COL11A1: variants seen among roughly 807,000 people sequenced by gnomAD.
COL11A1 encodes collagen type XI alpha 1 chain.
COL11A1 carries 74 observed loss-of-function variants against 265.2 expected under a neutral mutation model. The ratio of observed to expected loss-of-function variants is 0.28; its 90% CI spans 0.23 to 0.34. The LOEUF (loss-of-function observed/expected upper bound fraction) is 0.34. Among genes scored for constraint, COL11A1 ranks in the 10% least tolerant of loss-of-function variants. The pLI, the probability that COL11A1 is intolerant of heterozygous loss-of-function variation, is 1.00. For synonymous variants in COL11A1, 816 were observed against 727.6 expected (o/e 1.12, Z -1.96); for missense variants, 2,165 against 2,263.6 (o/e 0.96, Z 0.88).
intron 7 of COL11A1, 144 bp from the exon 8 acceptor site, chr1:103,023,140 G>GTGTTT: frequency 1.3e-6 from 1 of 770,596 alleles, no homozygotes; most frequent in Non-Finnish European, 2.2e-6. Flanking sequence ...TGGAAAGTAG[G>GTGTTT]CTTTCAGTAT....
intron 14 of COL11A1, 66 bp downstream of exon 14, chr1:103,012,347 G>A: frequency 8.7e-7 from 1 of 1,151,898 alleles, no homozygotes; most frequent in Admixed American, 1.7e-5. Flanking sequence ...ATCCCTGGAA[G>A]AAGTTGCACA....
At chr1:102,988,055 T>C (rs749512778) in intron 29 of COL11A1, among the ~76,000 whole-genome samples, 2 of 152,124 alleles carry the variant, frequency 1.3e-5, no homozygotes, top group African/African-American at 2.4e-5. Context: ...TTACCAGCCA[T>C]TGTTCCGAAA....
intron 46 of COL11A1, among the ~76,000 whole-genome samples, chr1:102,930,575 C>A (rs147913816): frequency 0.13 from 20,091 of 152,022 alleles, 2,065 homozygotes; most frequent in African/African-American, 0.28. Flanking sequence ...TGTCTCTGCC[C>A]GGCTTTAGTA....
chr1:102,921,427 A>C (rs1308985864), intron 48 of COL11A1, 91 bp downstream of exon 48: 3 of 1,045,132 alleles, frequency 2.9e-6, no homozygotes, highest in Non-Finnish European at 4.4e-6. Flanking sequence ...ACAATAGTTT[A>C]ATATTGTTAT....
chr1:102,899,381 T>G (rs1652885674), intron 54 of COL11A1, among the ~76,000 whole-genome samples: 1 of 152,096 alleles, frequency 6.6e-6, no homozygotes, highest in Admixed American at 6.6e-5. Context: ...CTCATATGTG[T>G]TTTAAGAATG....
chr1:103,030,495 T>C (rs922297334), intron 5 of COL11A1, among the ~76,000 whole-genome samples: 1 of 151,964 alleles, frequency 6.6e-6, no homozygotes, highest in Non-Finnish European at 1.5e-5. Context: ...TTTAGAACAG[T>C]TTTGATATTT....
intron 5 of COL11A1, among the ~76,000 whole-genome samples, chr1:103,029,391 T>C (rs1237502613): frequency 6.6e-6 from 1 of 151,642 alleles, no homozygotes; most frequent in Non-Finnish European, 1.5e-5. Flanking sequence ...ATTATTTATA[T>C]GCGTTATCAT....
At chr1:103,008,651 C>A (rs1665853038) in intron 14 of COL11A1, 135 bp from the exon 15 acceptor site, 2 of 812,704 alleles carry the variant, frequency 2.5e-6, no homozygotes, top group Admixed American at 2.2e-5. Context: ...TATTAATTAA[C>A]ACAGTAAAAT....
intron 26 of COL11A1, 145 bp downstream of exon 26, chr1:102,996,935 A>T: frequency 1.4e-6 from 1 of 711,894 alleles, no homozygotes; most frequent in African/African-American, 1.8e-5. Context: ...AATTACTGAT[A>T]TAAAATTAAA....
In COL11A1 at chr1:102,987,562, TTGAAA is replaced by T. The variant is rs1483216065; in HGVS notation, c.2502+66_2502+70del. The stretch of plus-strand genomic sequence containing the variant: ...AGAACTCAATTTCTGACACCAGTTA[TTGAAA>T]GAAATTTAAATGATAATGAAACATC... On this transcript the variant is annotated intron_variant, in intron 30 of 66. Transcript: ENST00000370096. 2.6e-6 allele frequency: 3 copies of T among 1,159,896 alleles called. No individual in the cohort carries two copies. The African/African-American group carries it at 4.5e-5, about 17-fold the overall frequency. 71.9% of individuals were successfully genotyped at this position (1,159,896 alleles called of 1,614,324 possible).
intron 54 of COL11A1, among the ~76,000 whole-genome samples, chr1:102,908,212 T>C (rs1056656346): frequency 2.0e-5 from 3 of 152,128 alleles, no homozygotes; most frequent in Admixed American, 1.3e-4. Context: ...TTCATGCCTT[T>C]GGCATATTTT....
chr1:102,926,076 A>C (rs986010193), intron 46 of COL11A1, among the ~76,000 whole-genome samples: 2 of 152,026 alleles, frequency 1.3e-5, no homozygotes, highest in African/African-American at 4.8e-5. Flanking sequence ...ATAGAAAAAA[A>C]TTTATTTATT....
intron 4 of COL11A1, among the ~76,000 whole-genome samples, chr1:103,048,373 T>A (rs1669491577): frequency 6.6e-6 from 1 of 152,226 alleles, no homozygotes; most frequent in African/African-American, 2.4e-5. Flanking sequence ...TCTTCTAGAT[T>A]TTCTAGTTTA....
At chr1:102,962,115 A>G (rs1660966577) in intron 40 of COL11A1, 61 bp downstream of exon 40, 3 of 1,385,452 alleles carry the variant, frequency 2.2e-6, no homozygotes, top group Non-Finnish European at 3.1e-6. Flanking sequence ...AGTTCTGAGA[A>G]AAAATGCTTC....
At chr1:103,048,879 G>T (rs902475477) in intron 4 of COL11A1, among the ~76,000 whole-genome samples, 10 of 152,164 alleles carry the variant, frequency 6.6e-5, no homozygotes, top group Non-Finnish European at 1.5e-5. Flanking sequence ...TCAGGAGCAG[G>T]TTGTTCAGTT....
At chr1:102,898,265 G>T in intron 56 of COL11A1, 87 bp from the exon 57 acceptor site, 1 of 580,538 alleles carries the variant, frequency 1.7e-6, no homozygotes. Flanking sequence ...AATACAATAA[G>T]AAAACAAAGG....
At chr1:102,930,573 C>T (rs1354509144) in intron 46 of COL11A1, among the ~76,000 whole-genome samples, 1 of 152,138 alleles carries the variant, frequency 6.6e-6, no homozygotes, top group East Asian at 1.9e-4. Context: ...TGTGTCTCTG[C>T]CCGGCTTTAG....
chr1:103,059,124 A>C (rs1394010975), intron 4 of COL11A1, among the ~76,000 whole-genome samples: 5 of 152,198 alleles, frequency 3.3e-5, no homozygotes. Context: ...AGCATAAAGA[A>C]AAGCATGATA....
Position 102,938,828 on chromosome 1 carries a change from T to C in COL11A1, c.3438+207A>G, listed in dbSNP as rs2126643. ...ATAGCAGAGTTATAAATAATGGCCT[T>C]ACAATCATCATACTTTACTTAATCA... On this transcript the variant is annotated intron_variant, in intron 44 of 66. Transcript: ENST00000370096. Among the ~76,000 whole-genome samples the C allele has an allele frequency of 0.63, 95,543 of 151,924 alleles. 30,554 individuals carry two copies. The highest frequency in any genetic ancestry group is 0.87 in the East Asian group (4,488 of 5,172).
Sources: gnomAD v4.1 joint callset for allele counts (sites outside exome capture counted in the v4.1 genomes callset) on GRCh38, gnomAD v4.1.1 for gene constraint, MANE v1.5 for transcripts, NCBI Gene and HGNC (gene_info 2026-07-23, HGNC 2026-07-21) for gene names.